The following PAWR variants were observed in gnomAD, a reference collection of about 807,000 sequenced individuals.
PAWR encodes pro-apoptotic WT1 regulator.
A neutral mutation model predicts 32.0 loss-of-function variants in PAWR; 23 were observed. That is an observed-to-expected ratio of 0.72 (90% CI 0.52 to 1.02). The LOEUF is 1.02. Ranked by LOEUF, PAWR falls within the 50% of genes least tolerant of loss-of-function variation. The pLI is 0.00. For synonymous variants in PAWR, 226 were observed against 187.1 expected (o/e 1.21, Z -1.70); for missense variants, 457 against 437.7 (o/e 1.04, Z -0.39).
At chr12:79,633,549 C>A (rs1264444014) in intron 2 of PAWR, among the ~76,000 whole-genome samples, 1 of 151,988 alleles carries the variant, frequency 6.6e-6, no homozygotes, top group Admixed American at 6.6e-5. Flanking sequence ...ATAAACAGCC[C>A]TTTAAAACTA....
At chr12:79,650,633 G>C (rs1461871867) in intron 2 of PAWR, among the ~76,000 whole-genome samples, 1 of 150,606 alleles carries the variant, frequency 6.6e-6, no homozygotes, top group African/African-American at 2.4e-5. Context: ...AAATCTATCG[G>C]TCACAGACAA....
chr12:79,647,410 A>G (rs770626995), intron 2 of PAWR, among the ~76,000 whole-genome samples: 1 of 152,236 alleles, frequency 6.6e-6, no homozygotes, highest in Non-Finnish European at 1.5e-5. Flanking sequence ...TTACACTGAC[A>G]TAAGACAGGA....
chr12:79,635,453 A>C lies in PAWR; in HGVS notation c.517-14246T>G, dbSNP rs374593495. The C allele has an allele frequency of 3.4e-4, 51 of 151,920 alleles. 1 individual carries two copies. The East Asian group carries it at 7.8e-3, about 23-fold the overall frequency. 9.4% of individuals were successfully genotyped at this position (151,920 alleles called of 1,614,324 possible). A position where few individuals can be genotyped will look rare whatever the true frequency, so the allele number is the denominator to read the frequency against. Reference sequence around the variant, plus strand: ...ATTTGAAAACACAGTTCCGGTAAGAAAGAAAAGACCTACACCTTGTTTAAC... The same window carrying C: ...ATTTGAAAACACAGTTCCGGTAAGACAGAAAAGACCTACACCTTGTTTAAC... On this transcript the variant is annotated intron_variant, in intron 2 of 6. Transcript: ENST00000328827.
chr12:79,593,170 T>C (rs938796032), intron 6 of PAWR, among the ~76,000 whole-genome samples: 15 of 152,136 alleles, frequency 9.9e-5, no homozygotes, highest in African/African-American at 3.1e-4. Context: ...TCTTTAAAGG[T>C]GTACAATGGG....
intron 4 of PAWR, among the ~76,000 whole-genome samples, chr12:79,609,981 G>T (rs1196953883): frequency 6.6e-6 from 1 of 152,146 alleles, no homozygotes; most frequent in African/African-American, 2.4e-5. Flanking sequence ...TTCCTGCCAG[G>T]GTCCAAAAGC....
chr12:79,661,746 C>CA (rs1382927146), intron 2 of PAWR, among the ~76,000 whole-genome samples: 1 of 152,110 alleles, frequency 6.6e-6, no homozygotes, highest in Non-Finnish European at 1.5e-5. Flanking sequence ...ACACTTATTT[C>CA]AATAGGCATC....
chr12:79,600,913 C>CATG (rs1873937537), intron 4 of PAWR, among the ~76,000 whole-genome samples: 1 of 152,122 alleles, frequency 6.6e-6, no homozygotes, highest in Non-Finnish European at 1.5e-5. Context: ...GCAGAGTAAT[C>CATG]CACTGATCAT....
rs894009885 is a variant in PAWR, at chr12:79,690,363, G to A, written c.-119C>T. 8 of 1,350,004 alleles carry A rather than the reference G, an allele frequency of 5.9e-6. No homozygotes were observed. Among genetic ancestry groups the A allele is most frequent in the African/African-American group, 1.5e-5 (1 of 64,960 alleles). The allele number at this position is 1,350,004 out of a possible 1,614,324, so 83.6% of individuals were successfully genotyped here. On this transcript the variant is annotated 5_prime_UTR_variant, in exon 2 of 7. Coordinates refer to ENST00000328827, the MANE Select transcript of PAWR (RefSeq NM_002583.4). The stretch of plus-strand genomic sequence containing the variant: ...AGGAGACGACCTCCAGGAGAGGGAC[G>A]GCCGCCGCTCCCACAGCAGCCGGCG...
chr12:79,628,077 T>C (rs1875429524), intron 2 of PAWR, among the ~76,000 whole-genome samples: 2 of 152,076 alleles, frequency 1.3e-5, no homozygotes, highest in Non-Finnish European at 2.9e-5. Flanking sequence ...CCTCAGCAAA[T>C]GTAAAAGAAC....
At chr12:79,638,114 C>G (rs181710322) in intron 2 of PAWR, among the ~76,000 whole-genome samples, 1 of 150,594 alleles carries the variant, frequency 6.6e-6, no homozygotes, top group Non-Finnish European at 1.5e-5. Context: ...TACTGTCATT[C>G]TTCAGAGTAC....
At chr12:79,684,873 G>A (rs949901084) in intron 2 of PAWR, among the ~76,000 whole-genome samples, 1 of 152,146 alleles carries the variant, frequency 6.6e-6, no homozygotes, top group Admixed American at 6.5e-5. Context: ...ATACACTGAA[G>A]TGTAGTAAGA....
intron 2 of PAWR, among the ~76,000 whole-genome samples, chr12:79,626,510 C>T (rs575233020): frequency 4.6e-5 from 7 of 151,622 alleles, no homozygotes; most frequent in South Asian, 4.2e-4. Context: ...CCACCCCCCA[C>T]GGCCTCCCAA....
At chr12:79,657,687 G>A (rs1047358571) in intron 2 of PAWR, among the ~76,000 whole-genome samples, 1 of 151,994 alleles carries the variant, frequency 6.6e-6, no homozygotes, top group Non-Finnish European at 1.5e-5. Context: ...CCAGCGACTC[G>A]GGAGGCTGAG....
chr12:79,651,881 G>C, intron 2 of PAWR, among the ~76,000 whole-genome samples: 1 of 152,116 alleles, frequency 6.6e-6, no homozygotes, highest in East Asian at 1.9e-4. Context: ...ACCAATGAAT[G>C]AAGTGTTAGA....
intron 2 of PAWR, among the ~76,000 whole-genome samples, chr12:79,623,574 T>C (rs1314231320): frequency 6.6e-6 from 1 of 152,102 alleles, no homozygotes; most frequent in African/African-American, 2.4e-5. Flanking sequence ...AGTTACAAAA[T>C]TTTTAGTAAC....
intron 2 of PAWR, among the ~76,000 whole-genome samples, chr12:79,672,416 TTTG>T (rs1341285713): frequency 1.3e-5 from 2 of 152,138 alleles, no homozygotes; most frequent in African/African-American, 4.8e-5. Flanking sequence ...GAACTTTTGT[TTTG>T]TTTTCTTTCT....
At position 79,669,231 on chromosome 12, in the gene PAWR, G is replaced by C. The variant is rs541927050; in HGVS notation, c.516+20498C>G. On this transcript the variant is annotated intron_variant, in intron 2 of 6. Transcript: ENST00000328827. ...ATAAGACCAACAATATTAAATTGAG[G>C]GTTTCTTGTACAATGATGTTAATAG... is the stretch of plus-strand genomic sequence containing the variant. Among the ~76,000 whole-genome samples the C allele has an allele frequency of 2.4e-4, 37 of 152,154 alleles. 1 individual carries two copies. The highest frequency in any genetic ancestry group is 8.4e-4 in the African/African-American group (35 of 41,514).
At chr12:79,668,482 A>G (rs1407936816) in intron 2 of PAWR, 1 of 152,238 alleles carries the variant, frequency 6.6e-6, no homozygotes, top group Non-Finnish European at 1.5e-5. Flanking sequence ...CCTTTTTGGC[A>G]CCAGGGACTG....
intron 4 of PAWR, among the ~76,000 whole-genome samples, chr12:79,607,820 T>C (rs1420100536): frequency 6.6e-6 from 1 of 151,888 alleles, no homozygotes; most frequent in Non-Finnish European, 1.5e-5. Context: ...AGTTTGTGTC[T>C]ACTTGGTGGT....
Sources: gnomAD v4.1 joint callset for allele counts (sites outside exome capture counted in the v4.1 genomes callset) on GRCh38, gnomAD v4.1.1 for gene constraint, MANE v1.5 for transcripts, NCBI Gene and HGNC (gene_info 2026-07-23, HGNC 2026-07-21) for gene names.